The following CDHR1 variants were observed in gnomAD, a reference collection of about 807,000 sequenced individuals.
CDHR1 encodes the protein cadherin-related family member 1.
In CDHR1, 61 loss-of-function variants were observed where a neutral mutation model predicts 72.1. The observed-to-expected ratio is 0.85, with a 90% confidence interval of 0.69 to 1.05. CDHR1 has a LOEUF of 1.05. Among genes scored for constraint, CDHR1 ranks in the 50% least tolerant of loss-of-function variants. The pLI is 0.00. For synonymous variants in CDHR1, 470 were observed against 448.1 expected, an observed-to-expected ratio of 1.05 and a Z score of -0.62; for missense variants, 1,186 against 1,115.7, an observed-to-expected ratio of 1.06 and a Z score of -0.90.
rs776765032 is a variant in CDHR1, at chr10:84,208,729, G to A, written c.1168G>A (p.Gly390Arg). 19 of 1,613,802 alleles carry A rather than the reference G, an allele frequency of 1.2e-5. No homozygotes were observed. Among genetic ancestry groups the A allele is most frequent in the Non-Finnish European group, 1.5e-5 (18 of 1,179,862 alleles). Reference protein sequence around the residue: ...LKITVNDSDQGANAKFNLQLV... With the variant: ...LKITVNDSDQRANAKFNLQLV... ...TGTTTCCACTCTCCAAATTCTCTAG[G>A]GAGCCAATGCCAAATTCAACTTGCA... Residue 390 changes from glycine (G) to arginine (R), a missense_variant and splice_region_variant, in exon 12 of 17, where the codon GGA becomes AGA. Physicochemically the swap from Gly to Arg is moderately radical, Grantham distance 125. Coordinates refer to ENST00000623527, the MANE Select transcript of CDHR1 (RefSeq NM_033100.4).
intron 3 of CDHR1, 135 bp downstream of exon 3, chr10:84,196,785 C>G: frequency 9.8e-7 from 1 of 1,018,072 alleles, no homozygotes; most frequent in Non-Finnish European, 1.5e-6. Flanking sequence ...CAGGCACATC[C>G]ACTCTGTGAG....
rs916954878 is a variant in CDHR1, at chr10:84,214,463, C to T, written c.2422C>T (p.Gln808Ter). 11 of 1,611,330 alleles carry T rather than the reference C, an allele frequency of 6.8e-6. No homozygotes were observed. Among genetic ancestry groups the T allele is most frequent in the Non-Finnish European group, 8.5e-6 (10 of 1,179,880 alleles). ...PSVAPSTGAA[Q>*]WTVPTVSGSL... is the part of the protein sequence containing the mutation. ...CGTGGCGCCCAGCACTGGCGCAGCC[C>T]AGTGGACCGTGCCTACTGTCTCTGG... The change falls in exon 17 of 17, where the codon CAG becomes TAG. Residue 808 changes from glutamine to a stop codon, truncating the protein, a stop_gained. Transcript: ENST00000623527. LOFTEE classifies it low-confidence loss of function (END_TRUNC).
rs1428358865 is a variant in CDHR1, at chr10:84,197,848, T to C, written c.348+12T>C. Reference sequence around the variant, plus strand: ...ATGGCCTGAATCTGGTGAGTGCACGTCCAAGGCAGTCCCTGGCAGCCTGCA... The same window carrying C: ...ATGGCCTGAATCTGGTGAGTGCACGCCCAAGGCAGTCCCTGGCAGCCTGCA... On this transcript the variant is annotated intron_variant, in intron 4 of 16. Transcript: ENST00000623527. The C allele has an allele frequency of 7.4e-6, 12 of 1,612,226 alleles. No individual in the cohort carries two copies. In the African/African-American group the frequency reaches 1.1e-4, roughly 14 times the overall value.
intron 7 of CDHR1, among the ~76,000 whole-genome samples, chr10:84,202,474 T>C (rs1352724298): frequency 2.6e-5 from 4 of 152,214 alleles, no homozygotes; most frequent in Non-Finnish European, 5.9e-5. Context: ...GGCAAGCCCC[T>C]GCTGGTCACA....
chr10:84,203,082 G>A lies in CDHR1; in HGVS notation c.742G>A (p.Gly248Ser). 1.2e-6 allele frequency: 2 copies of A among 1,614,180 alleles called. No individual in the cohort carries two copies. Among genetic ancestry groups the A allele is most frequent in the Non-Finnish European group, 1.7e-6 (2 of 1,180,034 alleles). The change falls in exon 8 of 17, where the codon GGC becomes AGC. Residue 248 changes from glycine to serine, a missense_variant. Gly to Ser is a moderately conservative substitution (Grantham distance 56). Coordinates refer to ENST00000623527, the MANE Select transcript of CDHR1 (RefSeq NM_033100.4). ...TCAGGACATGGCCCCTGTCTTCGTG[G>A]GCACACCCTACTATGGCTATGTGTA... ...DVQDMAPVFV[G>S]TPYYGYVYED... is the part of the protein sequence containing the mutation.
chr10:84,195,833 C>CTA (rs1197308776), intron 2 of CDHR1, among the ~76,000 whole-genome samples: 1 of 152,242 alleles, frequency 6.6e-6, no homozygotes, highest in Non-Finnish European at 1.5e-5. Context: ...AGGCAGGCAG[C>CTA]TACAGCTGCC....
rs1002533246 is a variant in CDHR1, at chr10:84,213,025, G to C, written c.1783-66G>C. On this transcript the variant is annotated intron_variant, in intron 15 of 16. Coordinates refer to ENST00000623527, the MANE Select transcript of CDHR1 (RefSeq NM_033100.4). ...CCCAGCAAGCCCCATATGACGTGCT[G>C]ATTTAGCCAGAGTACACAAGGATTG... 8 of 1,607,198 alleles carry C rather than the reference G, an allele frequency of 5.0e-6. No homozygotes were observed. In the African/African-American group the frequency reaches 9.4e-5, roughly 19 times the overall value.
chr10:84,195,720 C>A, intron 2 of CDHR1, 131 bp downstream of exon 2: 1 of 771,216 alleles, frequency 1.3e-6, no homozygotes, highest in Non-Finnish European at 2.2e-6. Context: ...TCTCCGAATT[C>A]CCCTGGGCAA....
chr10:84,195,743 A>AATCGCCT (rs1390715255), intron 2 of CDHR1, among the ~76,000 whole-genome samples, 154 bp downstream of exon 2: 1 of 152,192 alleles, frequency 6.6e-6, no homozygotes, highest in African/African-American at 2.4e-5. Context: ...GCAGGAAAGA[A>AATCGCCT]GGTCATTGCT....
chr10:84,200,528 G>A (rs1842104558), intron 5 of CDHR1, 73 bp from the exon 6 acceptor site: 1 of 972,698 alleles, frequency 1.0e-6, no homozygotes, highest in African/African-American at 1.6e-5. Context: ...ACTGCTGCAT[G>A]CCCCTATGCC....
intron 3 of CDHR1, among the ~76,000 whole-genome samples, chr10:84,197,048 G>C (rs1247157560): frequency 1.3e-5 from 2 of 152,088 alleles, no homozygotes; most frequent in Non-Finnish European, 2.9e-5. Flanking sequence ...TTGGCAGTGA[G>C]TCTGAGTTTG....
In CDHR1 at chr10:84,197,560, A is replaced by G. The variant is rs1476455872; in HGVS notation, c.298-226A>G. On this transcript the variant is annotated intron_variant, in intron 3 of 16. Coordinates refer to ENST00000623527, the MANE Select transcript of CDHR1 (RefSeq NM_033100.4). ...GACCCTCTGGGTCTCTGAGTTTATA[A>G]GAACCCCGGACACAAAAGTCCCAAA... is the stretch of plus-strand genomic sequence containing the variant. Among the ~76,000 whole-genome samples, 5 of 152,176 alleles carry G rather than the reference A, an allele frequency of 3.3e-5. No homozygotes were observed. In the East Asian group the frequency reaches 7.7e-4, roughly 23 times the overall value.
Position 84,217,830 on chromosome 10 carries a change from G to A in CDHR1, c.*3209G>A, listed in dbSNP as rs1842449414. On this transcript the variant is annotated 3_prime_UTR_variant, in exon 17 of 17. Transcript: ENST00000623527. ...AGATGCCACAGCATCTGTGGCCTGT[G>A]TAGCCGGCAGCCTGCATTTGGGCGT... is the stretch of plus-strand genomic sequence containing the variant. 1 of 985,360 alleles carries A rather than the reference G, an allele frequency of 1.0e-6. No homozygotes were observed. The highest frequency in any genetic ancestry group is 1.2e-6 in the Non-Finnish European group (1 of 829,972). The allele number at this position is 985,360 out of a possible 1,614,324, so 61.0% of individuals were successfully genotyped here.
At chr10:84,219,145 A>G (rs1842471060), downstream of CDHR1, 1 of 1,546,136 alleles carries the variant, frequency 6.5e-7, no homozygotes, top group African/African-American at 1.4e-5. Flanking sequence ...AAGAAAACCA[A>G]AATTTAAGCC....
intron 6 of CDHR1, 81 bp from the exon 7 acceptor site, chr10:84,201,725 AC>A (rs1353083062): frequency 1.5e-5 from 17 of 1,108,910 alleles, no homozygotes; most frequent in Non-Finnish European, 2.1e-5. Context: ...GGCAGTGAGG[AC>A]CCCCTTCAGA....
Position 84,212,309 on chromosome 10 carries a change from G to T in CDHR1, c.1684G>T (p.Val562Leu), listed in dbSNP as rs1466114782. 3 of 1,614,124 alleles carry T rather than the reference G, an allele frequency of 1.9e-6. No homozygotes were observed. The highest frequency in any genetic ancestry group is 2.7e-5 in the African/African-American group (2 of 74,940). Residue 562 changes from valine to leucine, a missense_variant, in exon 15 of 17, where the codon GTG becomes TTG. By Grantham distance (32) the Val-to-Leu change is conservative. Transcript: ENST00000623527. ...DMEGKYSVAEVFITLLDVNDH... is the reference protein window; with the variant it reads ...DMEGKYSVAELFITLLDVNDH... ...GGAAGGCAAGTACAGCGTAGCTGAG[G>T]TGTTTATCACACTGCTGGATGTCAA...
chr10:84,212,772 C>T, intron 15 of CDHR1: 1 of 529,482 alleles, frequency 1.9e-6, no homozygotes, highest in South Asian at 2.1e-5. Flanking sequence ...ATCCTGACTC[C>T]CTTTCTTATA....
intron 9 of CDHR1, among the ~76,000 whole-genome samples, chr10:84,205,083 C>G (rs1006809851): frequency 6.6e-6 from 1 of 152,178 alleles, no homozygotes; most frequent in Non-Finnish European, 1.5e-5. Context: ...TCCCAAGTTT[C>G]CATCATTGTA....
Position 84,212,282 on chromosome 10 carries a change from A to T in CDHR1, c.1657A>T (p.Met553Leu). ...CAACTTCTATGTGAAGGCAGAGGAC[A>T]TGGAAGGCAAGTACAGCGTAGCTGA... ...RYNFYVKAED[M>L]EGKYSVAEVF... is the part of the protein sequence containing the mutation. Residue 553 changes from methionine to leucine, a missense_variant, in exon 15 of 17, where the codon ATG (methionine) becomes TTG (leucine). By Grantham distance (15) the Met-to-Leu change is conservative. Coordinates refer to ENST00000623527, the MANE Select transcript of CDHR1 (RefSeq NM_033100.4). The T allele has an allele frequency of 1.9e-6, 3 of 1,614,262 alleles. No homozygotes were observed. The highest frequency in any genetic ancestry group is 2.5e-6 in the Non-Finnish European group (3 of 1,180,036).
Sources: gnomAD v4.1 joint callset for allele counts (sites outside exome capture counted in the v4.1 genomes callset) on GRCh38, gnomAD v4.1.1 for gene constraint, MANE v1.5 for transcripts, NCBI Gene and HGNC (gene_info 2026-07-23, HGNC 2026-07-21) for gene names.